Variants in RAD51B observed in about 807,000 individuals in gnomAD.
RAD51B encodes DNA repair protein RAD51 homolog 2.
In RAD51B, 38 loss-of-function variants were observed where a neutral mutation model predicts 42.2. That is an observed-to-expected ratio of 0.90 (90% CI 0.70 to 1.18). RAD51B has a LOEUF of 1.18. Ranked by LOEUF, RAD51B falls within the 50% of genes most tolerant of loss-of-function variation. The probability of loss-of-function intolerance (pLI) is 0.00; values close to 1 mark genes in which losing one functional copy is unlikely to be tolerated. For missense variants in RAD51B, 373 were observed against 400.7 expected (o/e 0.93, Z 0.59); for synonymous variants, 154 against 145.2 (o/e 1.06, Z -0.43).
At chr14:68,034,759 G>A (rs888788834) in intron 7 of RAD51B, among the ~76,000 whole-genome samples, 3 of 152,110 alleles carry the variant, frequency 2.0e-5, no homozygotes, top group East Asian at 3.9e-4. Context: ...CCCAGACGAA[G>A]ATTATATAGA....
intron 9 of RAD51B, among the ~76,000 whole-genome samples, chr14:68,465,327 T>G (rs1485634347): frequency 6.6e-6 from 1 of 152,166 alleles, no homozygotes; most frequent in Non-Finnish European, 1.5e-5. Flanking sequence ...GTTTAGGCCC[T>G]TATCATCTCA....
intron 5 of RAD51B, among the ~76,000 whole-genome samples, chr14:67,882,958 T>C (rs541088452): frequency 6.6e-6 from 1 of 152,388 alleles, no homozygotes; most frequent in South Asian, 2.1e-4. Flanking sequence ...TTGGCCAGGC[T>C]GGTCTTGAAC....
chr14:67,894,998 C>G (rs935909966), intron 7 of RAD51B, among the ~76,000 whole-genome samples: 8 of 152,088 alleles, frequency 5.3e-5, no homozygotes, highest in Non-Finnish European at 1.2e-4. Context: ...TGGTCTTGAA[C>G]TCCTGGGCTG....
chr14:68,661,565 A>C (rs1892933566), intron 11 of RAD51B, among the ~76,000 whole-genome samples: 3 of 152,294 alleles, frequency 2.0e-5, no homozygotes, highest in Non-Finnish European at 4.4e-5. Context: ...CTTAAAGGAG[A>C]ATGCTGGATG....
chr14:68,650,894 A>G (rs1240006838), intron 11 of RAD51B: 2 of 724,990 alleles, frequency 2.8e-6, no homozygotes, highest in Admixed American at 3.8e-5. Context: ...CAACAGGGAA[A>G]AGTAACCACT....
chr14:68,541,903 A>G (rs1460013756), intron 10 of RAD51B: 1 of 921,016 alleles, frequency 1.1e-6, no homozygotes, highest in Non-Finnish European at 1.3e-6. Context: ...TTGGTCCTCT[A>G]TTTTGTATAG....
chr14:68,659,953 G>C (rs549468573), intron 11 of RAD51B, among the ~76,000 whole-genome samples: 3 of 152,382 alleles, frequency 2.0e-5, no homozygotes, highest in Admixed American at 6.5e-5. Flanking sequence ...ACCTCCTACA[G>C]TGGGTCAAGA....
At chr14:68,577,962 G>C (rs1890037275) in intron 10 of RAD51B, among the ~76,000 whole-genome samples, 1 of 152,220 alleles carries the variant, frequency 6.6e-6, no homozygotes, top group Admixed American at 6.5e-5. Context: ...CCCCAGACTT[G>C]AGTCATTTCC....
intron 10 of RAD51B, among the ~76,000 whole-genome samples, chr14:68,591,930 C>T (rs188358574): frequency 1.2e-4 from 19 of 152,182 alleles, no homozygotes; most frequent in African/African-American, 2.6e-4. Context: ...AAATGGAGCC[C>T]GGGGAAACTG....
downstream of RAD51B, among the ~76,000 whole-genome samples, chr14:68,615,118 G>C (rs1009998216): frequency 2.6e-5 from 4 of 152,124 alleles, no homozygotes; most frequent in Non-Finnish European, 4.4e-5. Context: ...TGATCCACCC[G>C]CCTTGGCCTC....
At chr14:68,407,345 T>C (rs1351190500) in intron 8 of RAD51B, among the ~76,000 whole-genome samples, 1 of 152,230 alleles carries the variant, frequency 6.6e-6, no homozygotes, top group Non-Finnish European at 1.5e-5. Flanking sequence ...AGTAAATACA[T>C]ATAATAAGAT....
intron 2 of RAD51B, 31 bp downstream of exon 2, chr14:67,823,658 G>T: frequency 4.6e-6 from 7 of 1,530,186 alleles, no homozygotes; most frequent in Non-Finnish European, 6.3e-6. Flanking sequence ...TTATTGATAA[G>T]TTTTATGCAC....
At chr14:68,011,277 C>G (rs866025704) in intron 7 of RAD51B, among the ~76,000 whole-genome samples, 1 of 151,956 alleles carries the variant, frequency 6.6e-6, no homozygotes, top group Non-Finnish European at 1.5e-5. Context: ...TTTTTACTTA[C>G]GTAAATTTAT....
intron 10 of RAD51B, among the ~76,000 whole-genome samples, chr14:68,493,824 A>G (rs1421154634): frequency 6.6e-6 from 1 of 152,228 alleles, no homozygotes; most frequent in East Asian, 1.9e-4. Flanking sequence ...TTGATGAACT[A>G]TAGATGTCAG....
chr14:68,247,360 GAAC>G (rs2080521203), intron 7 of RAD51B, among the ~76,000 whole-genome samples: 1 of 152,102 alleles, frequency 6.6e-6, no homozygotes, highest in Admixed American at 6.6e-5. Context: ...ATCAAAAGCA[GAAC>G]AACAACTTGT....
In RAD51B at chr14:68,123,690, C is replaced by A. The variant is rs1012842392; in HGVS notation, c.757-168194C>A. Reference sequence around the variant, plus strand: ...CGGCATGGTGGCGCACACCTGTAGTCCCAGCTACTCGGGAGGCTGAGGTGG... The same window carrying A: ...CGGCATGGTGGCGCACACCTGTAGTACCAGCTACTCGGGAGGCTGAGGTGG... On this transcript the variant is annotated intron_variant, in intron 7 of 10. Transcript: ENST00000471583. 3.3e-5 allele frequency among the ~76,000 whole-genome samples: 5 copies of A among 152,080 alleles called. No homozygotes were observed. In the East Asian group the frequency reaches 9.6e-4, roughly 29 times the overall value.
intron 7 of RAD51B, among the ~76,000 whole-genome samples, chr14:67,891,325 T>C (rs1463247548): frequency 6.6e-6 from 1 of 152,192 alleles, no homozygotes; most frequent in African/African-American, 2.4e-5. Context: ...TAAGATGTGC[T>C]TATAATCCGT....
intron 10 of RAD51B, among the ~76,000 whole-genome samples, chr14:68,493,134 G>T (rs772713561): frequency 1.3e-5 from 2 of 151,956 alleles, no homozygotes; most frequent in Non-Finnish European, 2.9e-5. Flanking sequence ...TCACCTGGAG[G>T]GGTCCCCTGC....
intron 10 of RAD51B, among the ~76,000 whole-genome samples, chr14:68,637,498 A>G (rs574094907): frequency 6.6e-6 from 1 of 152,324 alleles, no homozygotes; most frequent in Non-Finnish European, 1.5e-5. Context: ...CTGGTAGGAG[A>G]GGCAGAGCGA....
Sources: allele counts gnomAD v4.1 joint callset (sites outside exome capture counted in the v4.1 genomes callset), GRCh38; gene constraint gnomAD v4.1.1; transcripts MANE v1.5; gene names NCBI Gene and HGNC (gene_info 2026-07-23, HGNC 2026-07-21).